The following VAMP7 variants were observed in gnomAD, a reference collection of about 807,000 sequenced individuals.
VAMP7 encodes the protein vesicle associated membrane protein 7, also known as vesicle-associated membrane protein 7.
In VAMP7, 14 loss-of-function variants were observed where a neutral mutation model predicts 29.6. That is an observed-to-expected ratio of 0.47 (90% confidence interval 0.31 to 0.74). VAMP7 has a LOEUF of 0.74. Ranked by LOEUF, VAMP7 falls within the 30% of genes least tolerant of loss-of-function variation. The pLI is 0.05. For missense variants in VAMP7, 223 were observed against 262.4 expected, an observed-to-expected ratio of 0.85 and a Z score of 1.04; for synonymous variants, 95 against 88.1, an observed-to-expected ratio of 1.08 and a Z score of -0.44.
chrX:155,911,050 T>C, intron 5 of VAMP7, among the ~76,000 whole-genome samples: 1 of 152,292 alleles, frequency 6.6e-6, no homozygotes, highest in South Asian at 2.1e-4. Context: ...TGTTTTCTTC[T>C]AGTAGGTTTA....
At chrX:155,895,748 C>G (rs2065979026) in intron 3 of VAMP7, 68 bp downstream of exon 3, 2 of 1,465,900 alleles carry the variant, frequency 1.4e-6, no homozygotes, top group South Asian at 1.2e-5. Context: ...TCTTAATTAT[C>G]TATACCAGGG....
chrX:155,895,851 C>T (rs1458067080), intron 3 of VAMP7, among the ~76,000 whole-genome samples, 171 bp downstream of exon 3: 2 of 152,122 alleles, frequency 1.3e-5, no homozygotes, highest in African/African-American at 2.4e-5. Flanking sequence ...TGAGCATTAC[C>T]ACCTGAGTTC....
intron 2 of VAMP7, among the ~76,000 whole-genome samples, chrX:155,892,232 A>G (rs1470516039): frequency 1.3e-5 from 2 of 151,948 alleles, no homozygotes; most frequent in African/African-American, 4.8e-5. Flanking sequence ...ATCTTCTAGG[A>G]ATGCTGTTCT....
chrX:155,888,125 G>A (rs183793470), intron 1 of VAMP7, among the ~76,000 whole-genome samples: 9 of 152,226 alleles, frequency 5.9e-5, no homozygotes, highest in African/African-American at 2.2e-4. Flanking sequence ...TAGAGAGTAG[G>A]AATGAAAAAG....
intron 6 of VAMP7, among the ~76,000 whole-genome samples, chrX:155,936,157 TGAG>T (rs1328841319): frequency 2.6e-5 from 4 of 152,172 alleles, no homozygotes; most frequent in African/African-American, 4.8e-5. Flanking sequence ...GGGACCCACT[TGAG>T]GAGGCAGTCT....
chrX:155,903,822 G>C (rs953908924), intron 5 of VAMP7, among the ~76,000 whole-genome samples: 3 of 152,124 alleles, frequency 2.0e-5, no homozygotes, highest in African/African-American at 7.2e-5. Context: ...TCTAGAACTA[G>C]AAATACCATT....
chrX:155,914,721 C>T (rs906875955), intron 5 of VAMP7, among the ~76,000 whole-genome samples: 15 of 152,088 alleles, frequency 9.9e-5, no homozygotes, highest in Non-Finnish European at 1.3e-4. Context: ...CTGACCTGAT[C>T]GTGGTGGATA....
At chrX:155,892,738 A>G (rs1468054379) in intron 2 of VAMP7, among the ~76,000 whole-genome samples, 2 of 113,274 alleles carry the variant, frequency 1.8e-5, no homozygotes, top group Non-Finnish European at 3.5e-5. Context: ...CACTTTTCAC[A>G]CTGTATTATT....
intron 6 of VAMP7, among the ~76,000 whole-genome samples, chrX:155,936,932 A>C (rs764082444): frequency 1.3e-5 from 2 of 152,302 alleles, no homozygotes; most frequent in African/African-American, 4.8e-5. Context: ...GCACACTGAA[A>C]ATTATAAAAC....
At chrX:155,909,120 C>T (rs1358671467) in intron 5 of VAMP7, among the ~76,000 whole-genome samples, 2 of 152,146 alleles carry the variant, frequency 1.3e-5, no homozygotes, top group Non-Finnish European at 2.9e-5. Context: ...AGCCTCCATG[C>T]CCGGCCTGAA....
intron 2 of VAMP7, among the ~76,000 whole-genome samples, chrX:155,893,904 G>GT (rs1211026651): frequency 2.0e-5 from 3 of 152,230 alleles, no homozygotes; most frequent in Non-Finnish European, 4.4e-5. Flanking sequence ...ACTATCATAT[G>GT]TTTCAGAGAG....
In VAMP7 at chrX:155,910,431, C is replaced by A. The variant is rs887785456; in HGVS notation, c.434-9382C>A. Among the ~76,000 whole-genome samples the A allele has an allele frequency of 2.4e-4, 36 of 152,260 alleles. 1 individual carries two copies. The highest frequency in any genetic ancestry group is 1.4e-3 in the Admixed American group (21 of 15,294). ...GCAATAAATATGCAAGTGCAGATATCCCGTCTATACACTGATTTCTTTTCC... is the reference window on the plus strand; with the variant it reads ...GCAATAAATATGCAAGTGCAGATATACCGTCTATACACTGATTTCTTTTCC... On this transcript the variant is annotated intron_variant, in intron 5 of 7. Transcript: ENST00000286448.
intron 4 of VAMP7, among the ~76,000 whole-genome samples, chrX:155,899,130 G>A (rs1602932905): frequency 1.3e-5 from 2 of 151,612 alleles, no homozygotes; most frequent in Admixed American, 6.6e-5. Context: ...GTGGACATAT[G>A]TTTTTATTTC....
At chrX:155,927,359 A>G (rs1038976668) in intron 6 of VAMP7, among the ~76,000 whole-genome samples, 1 of 151,390 alleles carries the variant, frequency 6.6e-6, no homozygotes, top group African/African-American at 2.4e-5. Flanking sequence ...CCTAGAACTT[A>G]AAGTATAATA....
chrX:155,924,713 G>C (rs190268686), intron 6 of VAMP7, among the ~76,000 whole-genome samples: 6 of 152,306 alleles, frequency 3.9e-5, no homozygotes, highest in Admixed American at 3.9e-4. Context: ...GGTGGTTGCT[G>C]AAGGTTGTGG....
chrX:155,922,557 A>G (rs2066411239), intron 6 of VAMP7, among the ~76,000 whole-genome samples: 1 of 152,068 alleles, frequency 6.6e-6, no homozygotes, highest in Non-Finnish European at 1.5e-5. Flanking sequence ...GCATTCCTGC[A>G]AGGTCATGAC....
chrX:155,906,875 C>G (rs1406776403), intron 5 of VAMP7, among the ~76,000 whole-genome samples: 2 of 152,120 alleles, frequency 1.3e-5, no homozygotes, highest in African/African-American at 4.8e-5. Context: ...GAGTGGACAT[C>G]ATTGTCTTAT....
intron 3 of VAMP7, among the ~76,000 whole-genome samples, chrX:155,896,686 C>T (rs894335071): frequency 3.3e-5 from 5 of 152,098 alleles, no homozygotes; most frequent in African/African-American, 1.2e-4. Flanking sequence ...TTCCCAGCTG[C>T]ATGCCCTCCC....
intron 5 of VAMP7, among the ~76,000 whole-genome samples, chrX:155,913,140 T>C (rs2066261770): frequency 6.6e-6 from 1 of 152,220 alleles, no homozygotes; most frequent in East Asian, 1.9e-4. Context: ...GATGAGCTTT[T>C]TTTTCATATG....
Sources: allele counts gnomAD v4.1 joint callset (sites outside exome capture counted in the v4.1 genomes callset), GRCh38; gene constraint gnomAD v4.1.1; transcripts MANE v1.5; gene names NCBI Gene and HGNC (gene_info 2026-07-23, HGNC 2026-07-21).